The following TATDN1 variants were observed in gnomAD, a reference collection of about 807,000 sequenced individuals.
TATDN1 encodes the protein deoxyribonuclease TATDN1.
A neutral mutation model predicts 46.4 loss-of-function variants in TATDN1; 40 were observed. That is an observed-to-expected ratio of 0.86 (90% confidence interval 0.67 to 1.12). The LOEUF (loss-of-function observed/expected upper bound fraction) is 1.12. TATDN1 is among the 50% of genes most tolerant of loss of function. The probability of loss-of-function intolerance (pLI) is 0.00; values close to 1 mark genes in which losing one functional copy is unlikely to be tolerated. For missense variants in TATDN1, 326 were observed against 348.4 expected, an observed-to-expected ratio of 0.94 and a Z score of 0.51; for synonymous variants, 95 against 105.6, an observed-to-expected ratio of 0.90 and a Z score of 0.62.
At chr8:124,534,643 C>T (rs1163499926) in intron 1 of TATDN1, among the ~76,000 whole-genome samples, 2 of 152,118 alleles carry the variant, frequency 1.3e-5, no homozygotes, top group African/African-American at 4.8e-5. Context: ...GTTTCCTCTC[C>T]CAACAACCAA....
chr8:124,493,996 C>T (rs755078274), intron 10 of TATDN1, 37 bp from the exon 11 acceptor site: 2 of 1,544,716 alleles, frequency 1.3e-6, no homozygotes, highest in Non-Finnish European at 1.7e-6. Flanking sequence ...AAGGGGTTTA[C>T]ATTTTTAAAA....
intron 9 of TATDN1, among the ~76,000 whole-genome samples, chr8:124,501,127 C>T (rs1817926644): frequency 6.6e-6 from 1 of 152,196 alleles, no homozygotes; most frequent in African/African-American, 2.4e-5. Flanking sequence ...CAGAGGAGTA[C>T]AGGCGTCAGG....
chr8:124,530,770 G>A (rs186722608), intron 1 of TATDN1, among the ~76,000 whole-genome samples: 29 of 152,308 alleles, frequency 1.9e-4, no homozygotes, highest in African/African-American at 6.5e-4. Flanking sequence ...TATTAGTTTA[G>A]ATAGAGGCAA....
intron 1 of TATDN1, among the ~76,000 whole-genome samples, chr8:124,528,249 C>T (rs1820670347): frequency 1.3e-5 from 2 of 152,136 alleles, no homozygotes; most frequent in Non-Finnish European, 2.9e-5. Flanking sequence ...TCTCGGCTCA[C>T]TGCAAGCTCC....
chr8:124,526,494 TG>T (rs1378190134), intron 1 of TATDN1, among the ~76,000 whole-genome samples: 1 of 151,976 alleles, frequency 6.6e-6, no homozygotes, highest in Non-Finnish European at 1.5e-5. Flanking sequence ...GAGATACGGG[TG>T]GGAGGGAATG....
chr8:124,507,569 T>C (rs1818589360), intron 8 of TATDN1, among the ~76,000 whole-genome samples: 1 of 151,468 alleles, frequency 6.6e-6, no homozygotes, highest in African/African-American at 2.4e-5. Flanking sequence ...ATTGCTTGAG[T>C]TTAGGAGTTC....
At chr8:124,502,487 C>G (rs537698227) in intron 9 of TATDN1, among the ~76,000 whole-genome samples, 1 of 152,224 alleles carries the variant, frequency 6.6e-6, no homozygotes, top group Non-Finnish European at 1.5e-5. Flanking sequence ...TTGCTCATCA[C>G]TAAATGGGAA....
chr8:124,492,634 G>A (rs1257920519), intron 11 of TATDN1, among the ~76,000 whole-genome samples: 1 of 150,970 alleles, frequency 6.6e-6, no homozygotes, highest in Non-Finnish European at 1.5e-5. Flanking sequence ...TGTGCCTATA[G>A]TTCCAGCTAC....
chr8:124,500,437 T>A (rs1374212328), intron 9 of TATDN1, among the ~76,000 whole-genome samples: 1 of 152,184 alleles, frequency 6.6e-6, no homozygotes, highest in Non-Finnish European at 1.5e-5. Context: ...CCAGGTACGG[T>A]GGCTCATGCC....
intron 1 of TATDN1, among the ~76,000 whole-genome samples, chr8:124,527,473 G>A (rs1168368473): frequency 1.3e-5 from 2 of 152,096 alleles, no homozygotes; most frequent in Non-Finnish European, 2.9e-5. Flanking sequence ...AGTCAGCAGA[G>A]GAGTGAGTCT....
At position 124,515,881 on chromosome 8, in the gene TATDN1, A is replaced by G. The variant is rs760291612; in HGVS notation, c.346+6T>C. The G allele has an allele frequency of 3.7e-5, 60 of 1,613,870 alleles. No homozygotes were observed. The highest frequency in any genetic ancestry group is 4.8e-5 in the Non-Finnish European group (57 of 1,179,980). ...TGTCACTCTAAGAGGCGAGGCTGGC[A>G]CTCACCAAGTCCGCATTCTCCTATT... On this transcript the variant is annotated splice_donor_region_variant and intron_variant, in intron 5 of 11. Transcript: ENST00000276692.
At chr8:124,531,945 G>A (rs1351942749) in intron 1 of TATDN1, among the ~76,000 whole-genome samples, 1 of 152,168 alleles carries the variant, frequency 6.6e-6, no homozygotes, top group Non-Finnish European at 1.5e-5. Flanking sequence ...GGACCTTCCT[G>A]TAATTTTGTC....
intron 1 of TATDN1, among the ~76,000 whole-genome samples, chr8:124,528,186 T>G (rs1292230633): frequency 6.6e-6 from 1 of 152,144 alleles, no homozygotes; most frequent in Non-Finnish European, 1.5e-5. Context: ...AGTGTCTTTT[T>G]TTTTTGAGAT....
At chr8:124,492,751 CA>C (rs397892964) in intron 11 of TATDN1, among the ~76,000 whole-genome samples, 537 of 72,368 alleles carry the variant, frequency 7.4e-3, no homozygotes, top group East Asian at 0.024. Flanking sequence ...AAGATGGTCT[CA>C]AAAAAAAAAA....
At chr8:124,509,989 C>T (rs1818863403) in intron 6 of TATDN1, among the ~76,000 whole-genome samples, 1 of 150,250 alleles carries the variant, frequency 6.7e-6, no homozygotes, top group Non-Finnish European at 1.5e-5. Flanking sequence ...TGAGATTGTA[C>T]CACTGCACTC....
At chr8:124,533,065 A>AAAAC (rs1821105475) in intron 1 of TATDN1, among the ~76,000 whole-genome samples, 1 of 152,156 alleles carries the variant, frequency 6.6e-6, no homozygotes, top group Admixed American at 6.5e-5. Context: ...GTCCTGGCTA[A>AAAAC]CACGGTAAAA....
chr8:124,538,934 G>T, intron 1 of TATDN1, 91 bp downstream of exon 1: 2 of 1,516,734 alleles, frequency 1.3e-6, no homozygotes, highest in East Asian at 2.3e-5. Flanking sequence ...TTACAATGCC[G>T]GAGGGCGCAA....
chr8:124,526,703 T>G (rs1324824695), intron 1 of TATDN1: 1 of 152,232 alleles, frequency 6.6e-6, no homozygotes, highest in Non-Finnish European at 1.5e-5. Context: ...GACTTTTCGT[T>G]TTCAAAACAA....
chr8:124,536,471 T>C (rs1426479056), intron 1 of TATDN1, among the ~76,000 whole-genome samples: 3 of 152,014 alleles, frequency 2.0e-5, no homozygotes, highest in South Asian at 4.1e-4. Flanking sequence ...CACTTGAGCC[T>C]AGGAGGTCAA....
Sources: gnomAD v4.1 joint callset for allele counts (sites outside exome capture counted in the v4.1 genomes callset) on GRCh38, gnomAD v4.1.1 for gene constraint, MANE v1.5 for transcripts, NCBI Gene and HGNC (gene_info 2026-07-23, HGNC 2026-07-21) for gene names.